The following CROT variants were observed in gnomAD, a reference collection of about 807,000 sequenced individuals.
CROT encodes the protein carnitine O-octanoyltransferase.
In CROT, 84 loss-of-function variants were observed where a neutral mutation model predicts 89.2. That is an observed-to-expected ratio of 0.94 (90% CI 0.79 to 1.13). The LOEUF (loss-of-function observed/expected upper bound fraction) is 1.13. CROT is among the 50% of genes most tolerant of loss of function. The pLI, the probability that CROT is intolerant of heterozygous loss-of-function variation, is 0.00. For missense variants in CROT, 711 were observed against 727.8 expected (o/e 0.98, Z 0.27); for synonymous variants, 212 against 239.5 (o/e 0.89, Z 1.06).
At chr7:87,355,872 A>C (rs1806051301) in intron 3 of CROT, among the ~76,000 whole-genome samples, 1 of 152,252 alleles carries the variant, frequency 6.6e-6, no homozygotes, top group Non-Finnish European at 1.5e-5. Context: ...GGAATGGAAG[A>C]GACAACAAAG....
In CROT at chr7:87,346,326, C is replaced by T. The variant is rs149230275; in HGVS notation, c.-112-14C>T. 6.6e-6 allele frequency: 1 copy of T among 152,274 alleles called. No individual in the cohort carries two copies. Among genetic ancestry groups the T allele is most frequent in the Admixed American group, 6.5e-5 (1 of 15,292 alleles). 9.4% of individuals were successfully genotyped at this position (152,274 alleles called of 1,614,324 possible). On this transcript the variant is annotated splice_polypyrimidine_tract_variant and intron_variant, in intron 1 of 17. Coordinates refer to ENST00000331536, the MANE Select transcript of CROT (RefSeq NM_021151.4). The stretch of plus-strand genomic sequence containing the variant: ...TCTTAAATATTTGTTAAGCTTGTTT[C>T]TTTCTTCCCACAGTCACCGACTTAG...
At chr7:87,381,107 G>A (rs1043792478) in intron 10 of CROT, among the ~76,000 whole-genome samples, 6 of 152,152 alleles carry the variant, frequency 3.9e-5, no homozygotes, top group African/African-American at 1.4e-4. Flanking sequence ...CTCTGAAACT[G>A]GGCCCATATC....
intron 17 of CROT, chr7:87,398,222 C>T (rs1807608869): frequency 5.9e-6 from 3 of 507,164 alleles, no homozygotes; most frequent in Non-Finnish European, 1.1e-5. Flanking sequence ...AAGGACTTTT[C>T]TAGGAAGGAG....
In CROT at chr7:87,347,281, G is replaced by C. The variant is rs142431006; in HGVS notation, c.-22+851G>C. On this transcript the variant is annotated intron_variant, in intron 2 of 17. Transcript: ENST00000331536. The stretch of plus-strand genomic sequence containing the variant: ...TGGGGATTAGCAGGGGTGGAATCTT[G>C]GGGGCCATTCATAGTAATTGTGCCT... Among the ~76,000 whole-genome samples, 615 of 152,304 alleles carry C rather than the reference G, an allele frequency of 4.0e-3. 8 individuals carry two copies. The highest frequency in any genetic ancestry group is 0.014 in the African/African-American group (574 of 41,554).
chr7:87,394,020 C>T (rs1761318610), intron 17 of CROT, among the ~76,000 whole-genome samples: 3 of 152,208 alleles, frequency 2.0e-5, no homozygotes, highest in Non-Finnish European at 2.9e-5. Context: ...AAAATATACA[C>T]AAATCTACTA....
intron 10 of CROT, among the ~76,000 whole-genome samples, chr7:87,379,133 C>T (rs1806907907): frequency 6.6e-6 from 1 of 152,126 alleles, no homozygotes; most frequent in African/African-American, 2.4e-5. Flanking sequence ...TGGTTAACTG[C>T]CCCCTGGCTT....
chr7:87,392,686 G>A, intron 15 of CROT, 42 bp downstream of exon 15: 2 of 1,610,252 alleles, frequency 1.2e-6, no homozygotes, highest in Non-Finnish European at 1.7e-6. Context: ...ATCTCTCATG[G>A]TGAAAAATTT....
intron 4 of CROT, chr7:87,359,905 G>T (rs1454184993): frequency 1.0e-6 from 1 of 985,348 alleles, no homozygotes; most frequent in Non-Finnish European, 1.2e-6. Context: ...CTATGAATCA[G>T]AGGATGAGGT....
chr7:87,398,233 G>GT (rs1807609280), intron 17 of CROT: 5 of 546,972 alleles, frequency 9.1e-6, no homozygotes, highest in South Asian at 1.6e-5. Flanking sequence ...TAGGAAGGAG[G>GT]TTTTTTGTTC....
At position 87,392,843 on chromosome 7, in the gene CROT, T is replaced by C. The variant is rs1238305943; in HGVS notation, c.1598+20T>C. On this transcript the variant is annotated intron_variant, in intron 16 of 17. Coordinates refer to ENST00000331536, the MANE Select transcript of CROT (RefSeq NM_021151.4). ...CAAAAGGTAATATAGTGTAGTGTTT[T>C]ACAGCTTCATCAATTGGCTTCCTCT... 6.2e-7 allele frequency: 1 copy of C among 1,610,590 alleles called. No homozygotes were observed.
intron 9 of CROT, among the ~76,000 whole-genome samples, chr7:87,376,503 T>G (rs1353537317): frequency 6.6e-6 from 1 of 152,072 alleles, no homozygotes; most frequent in African/African-American, 2.4e-5. Context: ...CAGGAAATAA[T>G]AAAAGATAGT....
chr7:87,363,461 A>C (rs1229881961), intron 6 of CROT, among the ~76,000 whole-genome samples: 1 of 152,116 alleles, frequency 6.6e-6, no homozygotes, highest in African/African-American at 2.4e-5. Flanking sequence ...TGTTTAGTTC[A>C]CTTTTGTTGT....
In CROT at chr7:87,345,673, C is replaced by T; in HGVS notation, c.-207C>T. On this transcript the variant is annotated 5_prime_UTR_variant, in exon 1 of 18. Transcript: ENST00000331536. ...GACCCTAGCGGCCTTCAGTCCAATT[C>T]CCGCACCTTTGAGGCCCAAGGGGGA... 2.6e-6 allele frequency: 1 copy of T among 385,250 alleles called. No individual in the cohort carries two copies. The highest frequency in any genetic ancestry group is 4.6e-6 in the Non-Finnish European group (1 of 218,116). The allele number at this position is 385,250 out of a possible 1,614,324, so 23.9% of individuals were successfully genotyped here. A position where few individuals can be genotyped will look rare whatever the true frequency, so the allele number is the denominator to read the frequency against.
chr7:87,356,655 G>A (rs1376457325), intron 3 of CROT, among the ~76,000 whole-genome samples: 1 of 152,160 alleles, frequency 6.6e-6, no homozygotes, highest in Non-Finnish European at 1.5e-5. Flanking sequence ...TTTCCACAGG[G>A]GGCAAGCAGA....
chr7:87,378,200 C>T (rs1407342054), intron 10 of CROT, among the ~76,000 whole-genome samples: 3 of 151,880 alleles, frequency 2.0e-5, no homozygotes, highest in Admixed American at 6.6e-5. Flanking sequence ...AAAAATTAGC[C>T]TCACATGGTG....
intron 3 of CROT, among the ~76,000 whole-genome samples, chr7:87,352,810 AC>A (rs1805918738): frequency 6.6e-6 from 1 of 152,264 alleles, no homozygotes; most frequent in Non-Finnish European, 1.5e-5. Context: ...GTAGCCAAAT[AC>A]TTAAATTATT....
chr7:87,391,801 A>G (rs1431115850), intron 14 of CROT, 89 bp downstream of exon 14: 15 of 1,302,898 alleles, frequency 1.2e-5, no homozygotes, highest in Admixed American at 2.6e-5. Flanking sequence ...TCTTTGCTTC[A>G]GTTTTCCTGG....
chr7:87,382,666 C>T (rs1052423521), intron 13 of CROT, 123 bp downstream of exon 13: 10 of 887,726 alleles, frequency 1.1e-5, no homozygotes, highest in Non-Finnish European at 1.7e-5. Context: ...GTACTGTGTC[C>T]TATTTGTACT....
chr7:87,374,380 A>G (rs868798501), intron 7 of CROT, among the ~76,000 whole-genome samples: 5 of 152,156 alleles, frequency 3.3e-5, no homozygotes, highest in Middle Eastern at 6.8e-3. Context: ...TGTAAAACGA[A>G]CATGAAAATG....
Sources: allele counts gnomAD v4.1 joint callset (sites outside exome capture counted in the v4.1 genomes callset), GRCh38; gene constraint gnomAD v4.1.1; transcripts MANE v1.5; gene names NCBI Gene and HGNC (gene_info 2026-07-23, HGNC 2026-07-21).